The following IQUB variants were observed in gnomAD, a reference collection of about 807,000 sequenced individuals.
The protein encoded by IQUB is IQ motif and ubiquitin domain containing, also known as IQ motif and ubiquitin-like domain-containing protein.
IQUB carries 86 observed loss-of-function variants against 86.4 expected under a neutral mutation model. That is an observed-to-expected ratio of 1.00 (90% CI 0.84 to 1.19). IQUB has a LOEUF of 1.19. IQUB is among the 50% of genes most tolerant of loss of function. The pLI is 0.00. For synonymous variants in IQUB, 289 were observed against 304.5 expected, an observed-to-expected ratio of 0.95 and a Z score of 0.53; for missense variants, 946 against 916.9, an observed-to-expected ratio of 1.03 and a Z score of -0.41.
At chr7:123,523,636 T>A (rs1797022196) in intron 1 of IQUB, among the ~76,000 whole-genome samples, 1 of 151,660 alleles carries the variant, frequency 6.6e-6, no homozygotes, top group Non-Finnish European at 1.5e-5. Context: ...GCGAAAATTT[T>A]CTCCCATTTT....
intron 7 of IQUB, among the ~76,000 whole-genome samples, chr7:123,480,761 TATTTACAAA>T (rs1448863191): frequency 6.6e-6 from 1 of 152,172 alleles, no homozygotes; most frequent in Non-Finnish European, 1.5e-5. Context: ...ATTTTCCATT[TATTTACAAA>T]ACTCTAAATT....
chr7:123,455,985 A>ATATC (rs1793677960), intron 12 of IQUB, among the ~76,000 whole-genome samples: 11 of 152,080 alleles, frequency 7.2e-5, no homozygotes, highest in Admixed American at 7.2e-4. Context: ...AAGAAAGCAA[A>ATATC]TATCTCTGAA....
At chr7:123,492,428 C>A (rs570117458) in intron 7 of IQUB, among the ~76,000 whole-genome samples, 29 of 152,080 alleles carry the variant, frequency 1.9e-4, no homozygotes, top group South Asian at 4.1e-4. Context: ...ACTTCCAGAG[C>A]ACATAGGAGA....
intron 1 of IQUB, among the ~76,000 whole-genome samples, chr7:123,523,658 G>A (rs1797024639): frequency 6.6e-6 from 1 of 151,666 alleles, no homozygotes; most frequent in Non-Finnish European, 1.5e-5. Context: ...TAGGTTGCCT[G>A]TTCACTCTGA....
Position 123,512,123 on chromosome 7 carries a change from G to C in IQUB, c.218C>G (p.Pro73Arg), listed in dbSNP as rs755407862. The stretch of plus-strand genomic sequence containing the variant: ...CTCTTCCATGAGTTGTTCATTGTCT[G>C]GTTCCAGGCTTGAAAAGCTTTGGTC... Reference protein sequence around the residue: ...QSDQSFSSLEPDNEQLMEEVI... With the variant: ...QSDQSFSSLERDNEQLMEEVI... The change falls in exon 2 of 13, where the codon CCA becomes CGA. Residue 73 changes from proline to arginine, a missense_variant. Coordinates refer to ENST00000324698, the MANE Select transcript of IQUB (RefSeq NM_178827.5). The C allele has an allele frequency of 1.4e-5, 22 of 1,613,952 alleles. No homozygotes were observed. The South Asian group carries it at 2.2e-4, about 16-fold the overall frequency.
intron 2 of IQUB, among the ~76,000 whole-genome samples, chr7:123,511,427 A>G (rs886439392): frequency 6.6e-6 from 1 of 152,194 alleles, no homozygotes; most frequent in Admixed American, 6.5e-5. Context: ...ATTAACCTAC[A>G]ATGAAAAACA....
In IQUB at chr7:123,480,029, A is replaced by T. The variant is rs1292134704; in HGVS notation, c.1235-59T>A. 6.3e-6 allele frequency: 8 copies of T among 1,264,736 alleles called. No homozygotes were observed. The Admixed American group carries it at 1.9e-4, about 31-fold the overall frequency. The allele number at this position is 1,264,736 out of a possible 1,614,324, so 78.3% of individuals were successfully genotyped here. On this transcript the variant is annotated intron_variant, in intron 7 of 12. Coordinates refer to ENST00000324698, the MANE Select transcript of IQUB (RefSeq NM_178827.5). ...TAAAAATCCCATCTTGAATGATCACATCCTGATGAGGAGTATTTTATTTTT... is the reference window on the plus strand; with the variant it reads ...TAAAAATCCCATCTTGAATGATCACTTCCTGATGAGGAGTATTTTATTTTT...
At chr7:123,465,053 A>G (rs751999121) in intron 9 of IQUB, 44 bp from the exon 10 acceptor site, 2 of 1,271,092 alleles carry the variant, frequency 1.6e-6, no homozygotes, top group Admixed American at 4.8e-5. Context: ...TTTACAAATC[A>G]CTAAGTTCAC....
chr7:123,483,283 AGTCCTT>A (rs1187742148), intron 7 of IQUB, among the ~76,000 whole-genome samples: 1 of 152,076 alleles, frequency 6.6e-6, no homozygotes, highest in African/African-American at 2.4e-5. Flanking sequence ...CATTACACAC[AGTCCTT>A]TTCAGTGTGG....
intron 9 of IQUB, among the ~76,000 whole-genome samples, chr7:123,467,958 G>C (rs547417708): frequency 6.6e-6 from 1 of 152,338 alleles, no homozygotes; most frequent in South Asian, 2.1e-4. Flanking sequence ...CAGGCCAAGA[G>C]ACCTGCGGGC....
intron 3 of IQUB, among the ~76,000 whole-genome samples, chr7:123,506,992 G>C (rs151050171): frequency 1.3e-5 from 2 of 152,144 alleles, no homozygotes; most frequent in African/African-American, 4.8e-5. Context: ...ATACAAAAAT[G>C]TAACTATGTG....
At chr7:123,464,585 G>A (rs1794160350) in intron 10 of IQUB, among the ~76,000 whole-genome samples, 1 of 151,834 alleles carries the variant, frequency 6.6e-6, no homozygotes, top group African/African-American at 2.4e-5. Flanking sequence ...TCAACGTAAT[G>A]CAATATTCAG....
At position 123,522,810 on chromosome 7, in the gene IQUB, G is replaced by A. The variant is rs190537293; in HGVS notation, c.-4-10466C>T. On this transcript the variant is annotated intron_variant, in intron 1 of 12. Transcript: ENST00000324698. ...GCTGGTGTGCTGCACCCATTAACTC[G>A]TCATCTAGCATTAGGTATATCTCCC... Among the ~76,000 whole-genome samples the A allele has an allele frequency of 6.0e-3, 908 of 151,136 alleles. 7 individuals are homozygous for A. The highest frequency in any genetic ancestry group is 0.03 in the East Asian group (155 of 5,086).
chr7:123,528,095 C>T (rs1797346275), intron 1 of IQUB, among the ~76,000 whole-genome samples: 1 of 152,228 alleles, frequency 6.6e-6, no homozygotes, highest in Non-Finnish European at 1.5e-5. Context: ...CCGTCTGTCA[C>T]CACTTTCTTT....
intron 1 of IQUB, among the ~76,000 whole-genome samples, chr7:123,523,183 T>C (rs182762982): frequency 2.0e-4 from 31 of 151,932 alleles, no homozygotes; most frequent in African/African-American, 6.0e-4. Context: ...TGTATCTTTA[T>C]AGCAGCATGA....
At chr7:123,525,952 G>A (rs1002512691) in intron 1 of IQUB, among the ~76,000 whole-genome samples, 7 of 136,662 alleles carry the variant, frequency 5.1e-5, no homozygotes, top group African/African-American at 1.9e-4. Context: ...CCTTCATTTT[G>A]TTATGTACCC....
intron 6 of IQUB, chr7:123,501,861 T>C (rs957951100): frequency 2.0e-5 from 3 of 152,200 alleles, no homozygotes; most frequent in Non-Finnish European, 4.4e-5. Flanking sequence ...CATATATTCC[T>C]TTATTTGGTG....
intron 8 of IQUB, among the ~76,000 whole-genome samples, chr7:123,474,541 G>A (rs1260796544): frequency 2.0e-5 from 3 of 152,088 alleles, no homozygotes; most frequent in African/African-American, 7.2e-5. Context: ...TATCTTAATC[G>A]TCTTCTTAGT....
In IQUB at chr7:123,461,612, A is replaced by T; in HGVS notation, c.1759-7T>A. ...TCAATGGGTCTTGAGGGACCTAAAT[A>T]AATAGTAAAAAAAGAAAAAAAAGGT... On this transcript the variant is annotated splice_region_variant and splice_polypyrimidine_tract_variant and intron_variant, in intron 10 of 12. Coordinates refer to ENST00000324698, the MANE Select transcript of IQUB (RefSeq NM_178827.5). The T allele has an allele frequency of 6.4e-7, 1 of 1,558,154 alleles. No homozygotes were observed. The highest frequency in any genetic ancestry group is 2.3e-5 in the East Asian group (1 of 43,534).
Sources: allele counts gnomAD v4.1 joint callset (sites outside exome capture counted in the v4.1 genomes callset), GRCh38; gene constraint gnomAD v4.1.1; transcripts MANE v1.5; gene names NCBI Gene and HGNC (gene_info 2026-07-23, HGNC 2026-07-21).